The following DENND4A variants were observed in gnomAD, a reference collection of about 807,000 sequenced individuals.
The protein encoded by DENND4A is DENN domain containing 4A.
In DENND4A, 70 loss-of-function variants were observed where a neutral mutation model predicts 199.3. That is an observed-to-expected ratio of 0.35 (90% confidence interval 0.29 to 0.43). The LOEUF (loss-of-function observed/expected upper bound fraction) is 0.43, where lower values mean the gene tolerates loss of function less well. Ranked by LOEUF, DENND4A falls within the 20% of genes least tolerant of loss-of-function variation. The pLI, the probability that DENND4A is intolerant of heterozygous loss-of-function variation, is 1.00. For synonymous variants in DENND4A, 686 were observed against 766.9 expected, an observed-to-expected ratio of 0.89 and a Z score of 1.74; for missense variants, 1,723 against 2,255.8, an observed-to-expected ratio of 0.76 and a Z score of 4.78.
At position 65,764,972 on chromosome 15, in the gene DENND4A, C is replaced by CAAA. The variant is rs35902836; in HGVS notation, c.-101-3537_-101-3535dup. ...GGGTGACAGAGCGAGACCCTGTCTC[C>CAAA]AAAAAAAAAAAAAAAAAAAGTAACA... On this transcript the variant is annotated intron_variant, in intron 1 of 32. Coordinates refer to ENST00000443035, the MANE Select transcript of DENND4A (RefSeq NM_001320835.1). 8.4e-3 allele frequency among the ~76,000 whole-genome samples: 803 copies of CAAA among 95,848 alleles called. 3 individuals carry two copies. The highest frequency in any genetic ancestry group is 0.013 in the Non-Finnish European group (562 of 43,014). The allele number at this position is 95,848 out of a possible 152,430, so 62.9% of individuals were successfully genotyped here. A position where few individuals can be genotyped will look rare whatever the true frequency, so the allele number is the denominator to read the frequency against.
chr15:65,789,681 G>C (rs924666003), intron 1 of DENND4A, among the ~76,000 whole-genome samples: 1 of 152,068 alleles, frequency 6.6e-6, no homozygotes. Context: ...CTAGAACAAC[G>C]CACCATCAAT....
chr15:65,759,486 A>G (rs1244836877), intron 2 of DENND4A, among the ~76,000 whole-genome samples: 2 of 152,222 alleles, frequency 1.3e-5, no homozygotes, highest in South Asian at 2.1e-4. Flanking sequence ...TGGAAAAAAA[A>G]AGGAAAAAAA....
intron 2 of DENND4A, among the ~76,000 whole-genome samples, chr15:65,759,114 T>C (rs1441878809): frequency 1.3e-5 from 2 of 152,236 alleles, no homozygotes; most frequent in Non-Finnish European, 2.9e-5. Flanking sequence ...GTTTTCAGAA[T>C]TCATGACACA....
rs2076696466 is a variant in DENND4A, at chr15:65,756,157, A to G, written c.294T>C (p.Pro98=). The change falls in exon 3 of 33, where the codon CCT becomes CCC. Residue 98 remains proline (P), a synonymous_variant. Coordinates refer to ENST00000443035, the MANE Select transcript of DENND4A (RefSeq NM_001320835.1). ...YLCYRRGRDK[P]PLTDLGVLYD... Reference sequence around the variant, plus strand: ...ATACTTACCCCAGATCTGTAAGTGGAGGCTTATCTCTTCCTCTTCTATAGC... The same window carrying G: ...ATACTTACCCCAGATCTGTAAGTGGGGGCTTATCTCTTCCTCTTCTATAGC... The G allele has an allele frequency of 1.2e-6, 2 of 1,607,490 alleles. No individual in the cohort carries two copies. Among genetic ancestry groups the G allele is most frequent in the Non-Finnish European group, 1.7e-6 (2 of 1,177,002 alleles).
At chr15:65,742,511 C>T (rs1488273155) in intron 4 of DENND4A, among the ~76,000 whole-genome samples, 1 of 151,370 alleles carries the variant, frequency 6.6e-6, no homozygotes, top group East Asian at 1.9e-4. Flanking sequence ...CTGCAACCTC[C>T]GCCTCCCAGG....
intron 23 of DENND4A, among the ~76,000 whole-genome samples, chr15:65,689,576 C>T (rs2142059054): frequency 6.6e-6 from 1 of 152,302 alleles, no homozygotes. Context: ...GGTCCTAAGG[C>T]ATACCTCTGT....
intron 11 of DENND4A, among the ~76,000 whole-genome samples, chr15:65,728,458 G>C (rs1387109258): frequency 6.6e-6 from 1 of 151,040 alleles, no homozygotes; most frequent in Non-Finnish European, 1.5e-5. Flanking sequence ...TTTCCCTTTG[G>C]CTAAATTTCT....
intron 23 of DENND4A, among the ~76,000 whole-genome samples, chr15:65,684,136 G>C (rs753277833): frequency 6.6e-6 from 1 of 152,114 alleles, no homozygotes; most frequent in Non-Finnish European, 1.5e-5. Context: ...ACGGAAATTT[G>C]GGTTGTTTCC....
At chr15:65,713,550 T>C (rs1220327844) in intron 14 of DENND4A, among the ~76,000 whole-genome samples, 2 of 152,252 alleles carry the variant, frequency 1.3e-5, no homozygotes, top group South Asian at 4.1e-4. Flanking sequence ...TTAATAACTA[T>C]GTAAGATCCT....
rs900905352 is a variant in DENND4A, at chr15:65,761,444, T to C, written c.-101-6A>G. On this transcript the variant is annotated splice_polypyrimidine_tract_variant and splice_region_variant and intron_variant, in intron 1 of 32. Transcript: ENST00000443035. ...CCTCAGAGTTTGAGAAATAACTGTATTGAAAACAGTAAGAATTGGACTTAA... is the reference window on the plus strand; with the variant it reads ...CCTCAGAGTTTGAGAAATAACTGTACTGAAAACAGTAAGAATTGGACTTAA... 1 of 152,196 alleles carries C rather than the reference T, an allele frequency of 6.6e-6. No individual in the cohort carries two copies. The highest frequency in any genetic ancestry group is 1.5e-5 in the Non-Finnish European group (1 of 68,034). 9.4% of individuals were successfully genotyped at this position (152,196 alleles called of 1,614,324 possible).
chr15:65,728,185 T>G (rs2075861548), intron 11 of DENND4A, among the ~76,000 whole-genome samples: 1 of 152,140 alleles, frequency 6.6e-6, no homozygotes, highest in Non-Finnish European at 1.5e-5. Context: ...GAATTTTTAG[T>G]AGAGACAGGG....
intron 1 of DENND4A, among the ~76,000 whole-genome samples, chr15:65,780,621 T>C (rs996777079): frequency 6.6e-6 from 1 of 152,224 alleles, no homozygotes; most frequent in African/African-American, 2.4e-5. Flanking sequence ...CACTAATTCA[T>C]AGCCTGGTGG....
At chr15:65,788,077 A>T (rs959275665) in intron 1 of DENND4A, among the ~76,000 whole-genome samples, 32 of 149,664 alleles carry the variant, frequency 2.1e-4, no homozygotes, top group East Asian at 4.0e-4. Flanking sequence ...TTATTTATTT[A>T]TTTATTTTTT....
intron 14 of DENND4A, among the ~76,000 whole-genome samples, chr15:65,714,566 T>A (rs1659886726): frequency 6.6e-6 from 1 of 152,114 alleles, no homozygotes; most frequent in African/African-American, 2.4e-5. Context: ...GACAACCCCC[T>A]CCAGACCAAA....
chr15:65,748,627 AAAAAAAAACAAAC>A lies in DENND4A; in HGVS notation c.561+3739_561+3751del, dbSNP rs1460160550. Reference sequence around the variant, plus strand: ...ACAGAACAAGATCCTGTCTCTAAAAAAAAAAAAACAAACAAAAAAAACAAAGAAAAAGAAAGAA... The same window carrying A: ...ACAGAACAAGATCCTGTCTCTAAAAAAAAAAAAACAAAGAAAAAGAAAGAA... On this transcript the variant is annotated intron_variant, in intron 4 of 32. Coordinates refer to ENST00000443035, the MANE Select transcript of DENND4A (RefSeq NM_001320835.1). 6.5e-4 allele frequency among the ~76,000 whole-genome samples: 99 copies of A among 151,670 alleles called. 1 individual carries two copies. The highest frequency in any genetic ancestry group is 2.3e-3 in the African/African-American group (95 of 41,458).
At chr15:65,776,644 C>A (rs74481142) in intron 1 of DENND4A, among the ~76,000 whole-genome samples, 1 of 152,174 alleles carries the variant, frequency 6.6e-6, no homozygotes, top group Non-Finnish European at 1.5e-5. Context: ...GTTTTATGAA[C>A]CTTTGGCTTC....
intron 4 of DENND4A, among the ~76,000 whole-genome samples, chr15:65,746,252 TA>T (rs1439982425): frequency 6.6e-6 from 1 of 151,546 alleles, no homozygotes; most frequent in Non-Finnish European, 1.5e-5. Flanking sequence ...TCTCTACCAA[TA>T]AGTATCCACA....
At position 65,661,302 on chromosome 15, in the gene DENND4A, C is replaced by T. The variant is rs2075838731; in HGVS notation, c.*549G>A. ...AGATCTGCAGCTGTACTAATTACTT[C>T]AAATAGCAGCAGACAAGGAAAATAC... is the stretch of plus-strand genomic sequence containing the variant. On this transcript the variant is annotated 3_prime_UTR_variant, in exon 33 of 33. Transcript: ENST00000443035. The T allele has an allele frequency of 1.3e-5, 2 of 152,104 alleles. No homozygotes were observed. Among genetic ancestry groups the T allele is most frequent in the South Asian group, 4.2e-4 (2 of 4,810 alleles). The allele number at this position is 152,104 out of a possible 1,614,324, so 9.4% of individuals were successfully genotyped here.
intron 3 of DENND4A, among the ~76,000 whole-genome samples, chr15:65,754,225 G>A (rs550642656): frequency 6.6e-6 from 1 of 152,192 alleles, no homozygotes; most frequent in African/African-American, 2.4e-5. Context: ...AAAATTTACA[G>A]TTAAATTTGA....
Sources: gnomAD v4.1 joint callset for allele counts (sites outside exome capture counted in the v4.1 genomes callset) on GRCh38, gnomAD v4.1.1 for gene constraint, MANE v1.5 for transcripts, NCBI Gene and HGNC (gene_info 2026-07-23, HGNC 2026-07-21) for gene names.